Variants in SEPTIN1 observed in about 807,000 individuals in gnomAD.
SEPTIN1 encodes septin-1.
In SEPTIN1, 52 loss-of-function variants were observed where a neutral mutation model predicts 50.7. The ratio of observed to expected loss-of-function variants is 1.03; its 90% CI spans 0.82 to 1.29. The LOEUF (loss-of-function observed/expected upper bound fraction) is 1.29. SEPTIN1 is among the 50% of genes most tolerant of loss of function. The pLI is 0.00. For missense variants in SEPTIN1, 455 were observed against 490.7 expected, an observed-to-expected ratio of 0.93 and a Z score of 0.69; for synonymous variants, 204 against 189.1, an observed-to-expected ratio of 1.08 and a Z score of -0.65.
intron 6 of SEPTIN1, 167 bp downstream of exon 6, chr16:30,380,960 A>T: frequency 1.4e-6 from 1 of 691,616 alleles, no homozygotes. Context: ...GAGCCTTCAG[A>T]GACATGGCTA....
chr16:30,382,469 C>T lies in SEPTIN1; in HGVS notation c.18+56G>A. ...GGAAGAGTCAGTGGGGTCTGGGGACCCCAGGCATGGGGGCTGGGGGCCGAG... is the reference window on the plus strand; with the variant it reads ...GGAAGAGTCAGTGGGGTCTGGGGACTCCAGGCATGGGGGCTGGGGGCCGAG... On this transcript the variant is annotated intron_variant, in intron 1 of 10. Coordinates refer to ENST00000321367, the MANE Select transcript of SEPTIN1 (RefSeq NM_001365977.2). The surrounding 1 kb of genome is among the most constrained non-coding windows in gnomAD (Gnocchi z 4.8). 6.3e-7 allele frequency: 1 copy of T among 1,587,398 alleles called. No individual in the cohort carries two copies. Among genetic ancestry groups the T allele is most frequent in the Non-Finnish European group, 8.6e-7 (1 of 1,161,526 alleles).
Position 30,378,678 on chromosome 16 carries a change from T to A in SEPTIN1, c.964A>T (p.Thr322Ser). 1 of 1,607,396 alleles carries A rather than the reference T, an allele frequency of 6.2e-7. No homozygotes were observed. The part of the protein sequence containing the change: ...SRSKLSRQSA[T>S]EIPLPMLPLA... ...GGCAGCATGGGCAGCGGGATCTCTG[T>A]GGCGCTCTGGCGGGAAAGCTTACTG... Residue 322 changes from threonine (T) to serine (S), a missense_variant, in exon 10 of 11, where the codon ACA (threonine) becomes TCA (serine). Coordinates refer to ENST00000321367, the MANE Select transcript of SEPTIN1 (RefSeq NM_001365977.2).
chr16:30,378,736 C>T (rs1038534122), intron 9 of SEPTIN1, 36 bp from the exon 10 acceptor site: 5 of 1,581,082 alleles, frequency 3.2e-6, no homozygotes, highest in Non-Finnish European at 4.3e-6. Flanking sequence ...GAATCAGGAG[C>T]GGGACCTGAG....
At chr16:30,378,847 A>AGAGGGGGAGAGAGG (rs1555499279) in intron 9 of SEPTIN1, 147 bp from the exon 10 acceptor site, 3 of 531,156 alleles carry the variant, frequency 5.6e-6, no homozygotes, top group African/African-American at 3.0e-5. Context: ...GCGGGTGGGG[A>AGAGGGGGAGAGAGG]GAGAGGGGGA....
Position 30,379,342 on chromosome 16 carries a change from C to T in SEPTIN1, c.775+93G>A, listed in dbSNP as rs1329740682. 17 of 1,426,212 alleles carry T rather than the reference C, an allele frequency of 1.2e-5. No individual in the cohort carries two copies. In the East Asian group the frequency reaches 3.9e-4, roughly 33 times the overall value. The allele number at this position is 1,426,212 out of a possible 1,614,324, so 88.3% of individuals were successfully genotyped here. On this transcript the variant is annotated intron_variant, in intron 8 of 10. Transcript: ENST00000321367. Reference sequence around the variant, plus strand: ...CTTTCCTCCTAGGATCCCCTGGGACCAAAGCCCACCCCAACTTCACATGTT... The same window carrying T: ...CTTTCCTCCTAGGATCCCCTGGGACTAAAGCCCACCCCAACTTCACATGTT...
At position 30,381,598 on chromosome 16, in the gene SEPTIN1, G is replaced by A; in HGVS notation, c.321-125C>T. On this transcript the variant is annotated intron_variant, in intron 4 of 10. Coordinates refer to ENST00000321367, the MANE Select transcript of SEPTIN1 (RefSeq NM_001365977.2). This position sits in a 1 kb window ranked among gnomAD's most constrained non-coding sequence, Gnocchi z 4.3. ...CCCTCCAAAGACATTAAGGGGAACT[G>A]GTGGGGGCCTAGGTGAGTCATCAAG... is the stretch of plus-strand genomic sequence containing the variant. The A allele has an allele frequency of 6.8e-7, 1 of 1,461,768 alleles. No individual in the cohort carries two copies. The highest frequency in any genetic ancestry group is 9.4e-7 in the Non-Finnish European group (1 of 1,063,890). 90.5% of individuals were successfully genotyped at this position (1,461,768 alleles called of 1,614,324 possible).
rs1189126618 is a variant in SEPTIN1 at position 30,382,060 on chromosome 16, G to T, written c.196+33C>A. On this transcript the variant is annotated intron_variant, in intron 3 of 10. Coordinates refer to ENST00000321367, the MANE Select transcript of SEPTIN1 (RefSeq NM_001365977.2). This position sits in a 1 kb window ranked among gnomAD's most constrained non-coding sequence, Gnocchi z 4.8. ...ACTAGGGTGTAACCTGGGGACAGGG[G>T]CTACTGCCTCAAGAGGGTGGGGAGG... 7 of 1,580,502 alleles carry T rather than the reference G, an allele frequency of 4.4e-6. No homozygotes were observed. Among genetic ancestry groups the T allele is most frequent in the African/African-American group, 1.4e-5 (1 of 74,018 alleles).
chr16:30,378,369 G>T lies in SEPTIN1; in HGVS notation c.*65C>A, dbSNP rs1273138061. 2.1e-6 allele frequency: 3 copies of T among 1,425,344 alleles called. No individual in the cohort carries two copies. The highest frequency in any genetic ancestry group is 2.8e-6 in the Non-Finnish European group (3 of 1,070,046). The allele number at this position is 1,425,344 out of a possible 1,614,324, so 88.3% of individuals were successfully genotyped here. The stretch of plus-strand genomic sequence containing the variant: ...CCCGGGGGGCGCTGGGCAGTGTGGG[G>T]CGCGGGGATTGGACAAGAGGCCGAC... On this transcript the variant is annotated 3_prime_UTR_variant, in exon 11 of 11. Transcript: ENST00000321367.
chr16:30,382,793 G>A (rs1032849873), upstream of SEPTIN1: 8 of 1,535,600 alleles, frequency 5.2e-6, no homozygotes, highest in East Asian at 2.4e-5. This position sits in a 1 kb window ranked among gnomAD's most constrained non-coding sequence, Gnocchi z 4.8. Flanking sequence ...CTCCATCATC[G>A]TGGTGAGACA....
In SEPTIN1 at chr16:30,378,310, C is replaced by G. The variant is rs2049778196; in HGVS notation, c.*124G>C. 3.3e-5 allele frequency: 31 copies of G among 951,634 alleles called. 1 individual carries two copies. In the South Asian group the frequency reaches 5.1e-4, roughly 16 times the overall value. The allele number at this position is 951,634 out of a possible 1,614,324, so 58.9% of individuals were successfully genotyped here. A position where few individuals can be genotyped will look rare whatever the true frequency, so the allele number is the denominator to read the frequency against. On this transcript the variant is annotated 3_prime_UTR_variant, in exon 11 of 11. Coordinates refer to ENST00000321367, the MANE Select transcript of SEPTIN1 (RefSeq NM_001365977.2). ...ACGGACTCAGGCTGGGAGAACCTCC[C>G]CCTAGCCCGCGCGAGGGCGGCACCC...
Position 30,381,556 on chromosome 16 carries a change from A to G in SEPTIN1, c.321-83T>C. Reference sequence around the variant, plus strand: ...GGCTAGCCAGGACTGTGGGAGTAGAATGTCATTTCTTTGGCTCCCTCCAAA... The same window carrying G: ...GGCTAGCCAGGACTGTGGGAGTAGAGTGTCATTTCTTTGGCTCCCTCCAAA... On this transcript the variant is annotated intron_variant, in intron 4 of 10. Transcript: ENST00000321367. The surrounding 1 kb of genome is among the most constrained non-coding windows in gnomAD (Gnocchi z 4.3). The G allele has an allele frequency of 6.4e-7, 1 of 1,556,692 alleles. No homozygotes were observed. Among genetic ancestry groups the G allele is most frequent in the South Asian group, 1.1e-5 (1 of 87,832 alleles).
At chr16:30,379,400 T>C (rs1367906933) in intron 8 of SEPTIN1, 35 bp downstream of exon 8, 1 of 1,579,632 alleles carries the variant, frequency 6.3e-7, no homozygotes, top group East Asian at 2.2e-5. Flanking sequence ...CCGGGCTCCC[T>C]GCTGGCCTTA....
intron 8 of SEPTIN1, 68 bp downstream of exon 8, chr16:30,379,367 T>G: frequency 2.0e-6 from 3 of 1,473,300 alleles, no homozygotes; most frequent in Non-Finnish European, 2.8e-6. Flanking sequence ...CTTCACATGT[T>G]GAGTGCGCCT....
At chr16:30,382,738 C>T, upstream of SEPTIN1, 3 of 1,536,360 alleles carry the variant, frequency 2.0e-6, no homozygotes, top group Non-Finnish European at 2.6e-6. The surrounding 1 kb of genome is among the most constrained non-coding windows in gnomAD (Gnocchi z 4.8). Flanking sequence ...TACGTACCTT[C>T]AACCCTCCAT....
At chr16:30,380,144 G>T in intron 6 of SEPTIN1, 111 bp from the exon 7 acceptor site, 2 of 782,256 alleles carry the variant, frequency 2.6e-6, no homozygotes, top group Non-Finnish European at 3.8e-6. Context: ...CAGAGAGAAA[G>T]ACATGAAAGA....
At chr16:30,378,879 G>GAGA in intron 9 of SEPTIN1, 139 bp downstream of exon 9, 1 of 672,876 alleles carries the variant, frequency 1.5e-6, no homozygotes, top group Non-Finnish European at 2.4e-6. Context: ...ACGGAGAGAG[G>GAGA]GAGGGAGGGA....
rs151118634 is a variant in SEPTIN1, at chr16:30,378,138, C to T, written c.*296G>A. On this transcript the variant is annotated 3_prime_UTR_variant, in exon 11 of 11. Transcript: ENST00000321367. ...GCAAGGAAGGAGAAGGCTCGCGTGGCCGCGGGAAGCTCAGTTTTTATTGAA... is the reference window on the plus strand; with the variant it reads ...GCAAGGAAGGAGAAGGCTCGCGTGGTCGCGGGAAGCTCAGTTTTTATTGAA... The T allele has an allele frequency of 2.8e-6, 2 of 720,368 alleles. No homozygotes were observed. Among genetic ancestry groups the T allele is most frequent in the East Asian group, 2.7e-5 (1 of 37,296 alleles). 44.6% of individuals were successfully genotyped at this position (720,368 alleles called of 1,614,324 possible).
chr16:30,382,624 C>T (rs757242146), upstream of SEPTIN1: 2 of 1,546,848 alleles, frequency 1.3e-6, no homozygotes, highest in Non-Finnish European at 1.7e-6. This position sits in a 1 kb window ranked among gnomAD's most constrained non-coding sequence, Gnocchi z 4.8. Context: ...GCAGAAGAGG[C>T]AGCTGAGATG....
At chr16:30,380,134 C>A (rs770376339) in intron 6 of SEPTIN1, 101 bp from the exon 7 acceptor site, 15 of 932,326 alleles carry the variant, frequency 1.6e-5, no homozygotes, top group Non-Finnish European at 2.1e-5. Flanking sequence ...TGGTCAGAGA[C>A]AGAGAGAAAG....
Sources: gnomAD v4.1 joint callset for allele counts on GRCh38, gnomAD v4.1.1 for gene constraint, Gnocchi (gnomAD v3.1) non-coding constraint, MANE v1.5 for transcripts, NCBI Gene and HGNC (gene_info 2026-07-23, HGNC 2026-07-21) for gene names.